DOCK4: variants seen among roughly 807,000 people sequenced by gnomAD.
The protein encoded by DOCK4 is dedicator of cytokinesis 4.
In DOCK4, 97 loss-of-function variants were observed where a neutral mutation model predicts 268.1. That is an observed-to-expected ratio of 0.36 (90% CI 0.31 to 0.43). The LOEUF (loss-of-function observed/expected upper bound fraction) is 0.43. Among genes scored for constraint, DOCK4 ranks in the 20% least tolerant of loss-of-function variants. The pLI, the probability that DOCK4 is intolerant of heterozygous loss-of-function variation, is 1.00. For missense variants in DOCK4, 2,145 were observed against 2,455.7 expected, an observed-to-expected ratio of 0.87 and a Z score of 2.67; for synonymous variants, 954 against 887.2, an observed-to-expected ratio of 1.08 and a Z score of -1.34.
chr7:112,074,820 G>T (rs1807916584), intron 1 of DOCK4, among the ~76,000 whole-genome samples: 1 of 152,150 alleles, frequency 6.6e-6, no homozygotes, highest in Admixed American at 6.5e-5. Context: ...GGCCCACAGG[G>T]ATCATCTTCT....
chr7:112,057,511 A>C (rs143076213), intron 1 of DOCK4, among the ~76,000 whole-genome samples: 3 of 151,928 alleles, frequency 2.0e-5, no homozygotes, highest in Non-Finnish European at 4.4e-5. Context: ...TGATGGCACC[A>C]CTGCACTCCA....
At chr7:112,073,976 C>T (rs568406429) in intron 1 of DOCK4, among the ~76,000 whole-genome samples, 1 of 152,122 alleles carries the variant, frequency 6.6e-6, no homozygotes, top group African/African-American at 2.4e-5. Context: ...TGAATCTATA[C>T]ACGAATCAAA....
intron 1 of DOCK4, among the ~76,000 whole-genome samples, chr7:112,048,219 C>T (rs879511516): frequency 4.0e-5 from 6 of 151,624 alleles, no homozygotes; most frequent in Non-Finnish European, 5.9e-5. Flanking sequence ...CATAATTAAA[C>T]GACTTAGAGC....
chr7:111,831,737 T>C (rs779001952), intron 26 of DOCK4, among the ~76,000 whole-genome samples: 2 of 152,166 alleles, frequency 1.3e-5, no homozygotes, highest in Non-Finnish European at 2.9e-5. Flanking sequence ...TCCTCCTGCC[T>C]TGGCCTCCCA....
intron 34 of DOCK4, among the ~76,000 whole-genome samples, chr7:111,783,567 G>T (rs914005140): frequency 2.7e-5 from 4 of 148,884 alleles, no homozygotes; most frequent in African/African-American, 1.0e-4. Context: ...CCAAAATAAA[G>T]ATTTTTTTTT....
chr7:111,961,770 C>A (rs1041390432), intron 8 of DOCK4, among the ~76,000 whole-genome samples: 4 of 152,122 alleles, frequency 2.6e-5, no homozygotes, highest in African/African-American at 4.8e-5. Context: ...TTATGAAAAA[C>A]GTAACTGTCA....
At chr7:112,125,846 TC>T (rs1039123760) in intron 1 of DOCK4, among the ~76,000 whole-genome samples, 2 of 152,180 alleles carry the variant, frequency 1.3e-5, no homozygotes, top group Non-Finnish European at 2.9e-5. Context: ...GTCTCACTTG[TC>T]ACCCAGACTG....
At position 111,873,833 on chromosome 7, in the gene DOCK4, C is replaced by T. The variant is rs368972941; in HGVS notation, c.1745-1269G>A. 2.2e-4 allele frequency among the ~76,000 whole-genome samples: 33 copies of T among 151,780 alleles called. No individual in the cohort carries two copies. In the Middle Eastern group the frequency reaches 0.01, roughly 47 times the overall value. Reference sequence around the variant, plus strand: ...CAGGAATGTTTATCTGCAACAAACACGGGTAAGAGGAGGAGGAGGAATTAG... The same window carrying T: ...CAGGAATGTTTATCTGCAACAAACATGGGTAAGAGGAGGAGGAGGAATTAG... On this transcript the variant is annotated intron_variant, in intron 17 of 52. Transcript: ENST00000428084.
chr7:111,778,167 T>TGGA (rs1798571422), intron 36 of DOCK4, 109 bp downstream of exon 36: 1 of 679,718 alleles, frequency 1.5e-6, no homozygotes, highest in Admixed American at 3.0e-5. Context: ...AAATTTTAAT[T>TGGA]TTAAAGTAGA....
chr7:112,099,903 G>T (rs171825), intron 1 of DOCK4, among the ~76,000 whole-genome samples: 46,940 of 151,978 alleles, frequency 0.31, 8,006 homozygotes, highest in Non-Finnish European at 0.39. Context: ...ATAATGAACA[G>T]GTTGTGTTTT....
intron 27 of DOCK4, among the ~76,000 whole-genome samples, chr7:111,817,120 TTC>T (rs1177895663): frequency 1.3e-5 from 2 of 152,214 alleles, no homozygotes; most frequent in African/African-American, 4.8e-5. Flanking sequence ...CATGCATTCA[TTC>T]TCTCTACCAA....
At chr7:111,768,525 A>C (rs537425056) in intron 37 of DOCK4, among the ~76,000 whole-genome samples, 1 of 152,204 alleles carries the variant, frequency 6.6e-6, no homozygotes, top group Non-Finnish European at 1.5e-5. Flanking sequence ...TTTGAGTCTA[A>C]GACATGTACC....
At chr7:111,928,069 G>T (rs745349257) in intron 12 of DOCK4, among the ~76,000 whole-genome samples, 10 of 152,078 alleles carry the variant, frequency 6.6e-5, no homozygotes, top group South Asian at 2.1e-4. Flanking sequence ...AAAAAACTAA[G>T]ATTAAACTGT....
At chr7:112,085,541 AC>A (rs1028917169) in intron 1 of DOCK4, among the ~76,000 whole-genome samples, 17 of 152,274 alleles carry the variant, frequency 1.1e-4, no homozygotes, top group African/African-American at 4.1e-4. Flanking sequence ...CATTTATCTT[AC>A]CTTTCCTGTA....
At chr7:111,768,234 C>A (rs1384857431) in intron 37 of DOCK4, among the ~76,000 whole-genome samples, 1 of 152,186 alleles carries the variant, frequency 6.6e-6, no homozygotes, top group East Asian at 1.9e-4. Context: ...AACCCCTGAT[C>A]TAGCACAGAC....
intron 12 of DOCK4, among the ~76,000 whole-genome samples, chr7:111,930,850 C>T (rs1443040707): frequency 6.6e-6 from 1 of 152,192 alleles, no homozygotes; most frequent in Non-Finnish European, 1.5e-5. Flanking sequence ...GGATACAGAA[C>T]AATGATCTAC....
intron 1 of DOCK4, among the ~76,000 whole-genome samples, chr7:112,027,780 T>C (rs1422067453): frequency 1.3e-5 from 2 of 152,220 alleles, no homozygotes; most frequent in African/African-American, 4.8e-5. Context: ...TTTCAAATGT[T>C]TATTTGACAT....
intron 27 of DOCK4, chr7:111,820,449 A>AT (rs908929363): frequency 2.0e-5 from 3 of 152,208 alleles, no homozygotes; most frequent in African/African-American, 7.2e-5. Context: ...GTTTAAATGT[A>AT]TTACACAGAG....
intron 16 of DOCK4, among the ~76,000 whole-genome samples, chr7:111,879,031 C>T (rs1428486961): frequency 6.6e-6 from 1 of 151,998 alleles, no homozygotes; most frequent in African/African-American, 2.4e-5. Flanking sequence ...ATCCCTCCCC[C>T]AACCCCAGGC....
Sources: allele counts gnomAD v4.1 joint callset (sites outside exome capture counted in the v4.1 genomes callset), GRCh38; gene constraint gnomAD v4.1.1; transcripts MANE v1.5; gene names NCBI Gene and HGNC (gene_info 2026-07-23, HGNC 2026-07-21).